Variants in SPDYE12 observed in about 807,000 individuals in gnomAD.
The protein encoded by SPDYE12 is speedy protein E12.
At chr7:74,910,829 AACCTT>A in the SPDYE12 span, 1 of 1,117,030 alleles carries the variant, frequency 9.0e-7, no homozygotes, top group African/African-American at 1.5e-5. Flanking sequence ...CATAGAGAAC[AACCTT>A]ACCTTGTCCG....
chr7:74,909,352 C>T, the SPDYE12 span, among the ~76,000 whole-genome samples: 2 of 151,456 alleles, frequency 1.3e-5, no homozygotes, highest in Non-Finnish European at 3.0e-5. Flanking sequence ...CCATGCACAG[C>T]CTGAGTTTCT....
the SPDYE12 span, among the ~76,000 whole-genome samples, chr7:74,909,053 C>CTTTTTTT: frequency 1.3e-4 from 6 of 46,272 alleles, no homozygotes; most frequent in Non-Finnish European, 1.8e-4. Context: ...TTTTTTTTGG[C>CTTTTTTT]TTTTTTTTTT....
the SPDYE12 span, chr7:74,906,975 G>A: frequency 6.4e-6 from 10 of 1,561,354 alleles, no homozygotes; most frequent in South Asian, 6.7e-5. Context: ...TCATGTAACG[G>A]CATAACTGGA....
chr7:74,910,580 CTTGGAGGCTGAGG>C, the SPDYE12 span, among the ~76,000 whole-genome samples: 22 of 150,516 alleles, frequency 1.5e-4, no homozygotes, highest in East Asian at 2.6e-3. Flanking sequence ...ATCCCAGCTG[CTTGGAGGCTGAGG>C]TGGGAGAATC....
At chr7:74,910,766 G>T in the SPDYE12 span, 2 of 1,424,070 alleles carry the variant, frequency 1.4e-6, no homozygotes, top group South Asian at 2.3e-5. Context: ...AGAACTGTGG[G>T]TTTGGAAGCT....
At chr7:74,909,491 A>G in the SPDYE12 span, 1 of 1,419,818 alleles carries the variant, frequency 7.0e-7, no homozygotes, top group Non-Finnish European at 9.9e-7. Context: ...GGCATTGGAT[A>G]TTGATGGATA....
chr7:74,908,651 GTTTTTTGTTCTTTTT>G, the SPDYE12 span, among the ~76,000 whole-genome samples: 59 of 105,738 alleles, frequency 5.6e-4, no homozygotes, highest in African/African-American at 1.8e-3. Flanking sequence ...GGTTCCTTTT[GTTTTTTGTTCTTTTT>G]TTTTTTTTTT....
the SPDYE12 span, among the ~76,000 whole-genome samples, chr7:74,909,118 A>G: frequency 7.2e-6 from 1 of 139,616 alleles, no homozygotes; most frequent in Non-Finnish European, 1.5e-5. Context: ...CAGTGGCTCA[A>G]CCTTAGCATA....
chr7:74,910,439 C>G, the SPDYE12 span, among the ~76,000 whole-genome samples: 1,843 of 149,414 alleles, frequency 0.012, 52 homozygotes, highest in African/African-American at 0.034. Flanking sequence ...TCTGTAATCT[C>G]AGCACTTTGG....
the SPDYE12 span, among the ~76,000 whole-genome samples, chr7:74,904,626 G>T: frequency 6.6e-6 from 1 of 151,288 alleles, no homozygotes; most frequent in East Asian, 1.9e-4. Context: ...AGATTGAAAG[G>T]TAAAAGATTT....
At chr7:74,905,949 A>G in the SPDYE12 span, among the ~76,000 whole-genome samples, 47 of 148,924 alleles carry the variant, frequency 3.2e-4, no homozygotes, top group African/African-American at 1.2e-3. Flanking sequence ...TGAAACTCAC[A>G]CTTTGGTGAC....
chr7:74,906,978 T>C, the SPDYE12 span: 4 of 1,571,640 alleles, frequency 2.5e-6, no homozygotes, highest in Admixed American at 1.7e-5. Flanking sequence ...TGTAACGGCA[T>C]AACTGGAACC....
At chr7:74,914,994 C>A in the SPDYE12 span, among the ~76,000 whole-genome samples, 1 of 151,258 alleles carries the variant, frequency 6.6e-6, no homozygotes, top group East Asian at 1.9e-4. Flanking sequence ...TAACGGGCTG[C>A]GGCTCTCCTA....
chr7:74,908,936 C>G, the SPDYE12 span, among the ~76,000 whole-genome samples: 2 of 149,668 alleles, frequency 1.3e-5, no homozygotes, highest in Admixed American at 1.3e-4. Flanking sequence ...CCACCTCGGC[C>G]TCCCAAACTG....
At chr7:74,909,937 G>C in the SPDYE12 span, among the ~76,000 whole-genome samples, 4 of 150,142 alleles carry the variant, frequency 2.7e-5, no homozygotes, top group Non-Finnish European at 5.9e-5. Context: ...TGAGAGTAGA[G>C]GGCCCAGGAG....
At chr7:74,908,759 C>T in the SPDYE12 span, among the ~76,000 whole-genome samples, 6 of 136,360 alleles carry the variant, frequency 4.4e-5, 1 homozygote, top group African/African-American at 8.1e-5. Flanking sequence ...CTGCAAGCTC[C>T]GCCTCCCAGG....
the SPDYE12 span, chr7:74,909,708 G>A: frequency 1.3e-6 from 2 of 1,525,314 alleles, no homozygotes; most frequent in Non-Finnish European, 1.8e-6. Context: ...CTGCCCATCA[G>A]AGAAGGGACC....
the SPDYE12 span, among the ~76,000 whole-genome samples, chr7:74,915,014 C>G: frequency 6.6e-6 from 1 of 151,492 alleles, no homozygotes; most frequent in Non-Finnish European, 1.5e-5. Context: ...AGGAGTCTCT[C>G]GCTCATGGGA....
At chr7:74,910,812 A>C in the SPDYE12 span, 1 of 1,115,572 alleles carries the variant, frequency 9.0e-7, no homozygotes, top group Admixed American at 1.7e-5. Context: ...GAACAGGAAC[A>C]CAGTTACATA....
Sources: allele counts gnomAD v4.1 joint callset (sites outside exome capture counted in the v4.1 genomes callset), GRCh38; gene constraint gnomAD v4.1.1; transcripts MANE v1.5; gene names NCBI Gene and HGNC (gene_info 2026-07-23, HGNC 2026-07-21).